The following TMEM117 variants were observed in gnomAD, a reference collection of about 807,000 sequenced individuals.
TMEM117 encodes the protein transmembrane protein 117.
A neutral mutation model predicts 52.4 loss-of-function variants in TMEM117; 27 were observed. The observed-to-expected ratio is 0.51, with a 90% CI of 0.38 to 0.71. The LOEUF (loss-of-function observed/expected upper bound fraction) is 0.71. Among genes scored for constraint, TMEM117 ranks in the 30% least tolerant of loss-of-function variants. The pLI is 0.00. For synonymous variants in TMEM117, 215 were observed against 206.3 expected (o/e 1.04, Z -0.36); for missense variants, 556 against 630.5 (o/e 0.88, Z 1.26).
intron 3 of TMEM117, among the ~76,000 whole-genome samples, chr12:44,098,426 T>G (rs182695632): frequency 1.9e-4 from 29 of 152,186 alleles, no homozygotes; most frequent in Admixed American, 2.0e-4. Flanking sequence ...GCCCTTTTTT[T>G]TCTGAGACCA....
chr12:44,138,636 G>A (rs78907079), intron 3 of TMEM117, among the ~76,000 whole-genome samples: 4,588 of 152,170 alleles, frequency 0.03, 106 homozygotes, highest in Admixed American at 0.044. Context: ...ACCATTGTTA[G>A]GTTCAGATGC....
chr12:43,927,380 A>C (rs896455408), intron 2 of TMEM117, among the ~76,000 whole-genome samples: 6 of 151,812 alleles, frequency 4.0e-5, no homozygotes, highest in African/African-American at 7.2e-5. Context: ...TTCAATATGA[A>C]GTCCATTAAA....
intron 3 of TMEM117, among the ~76,000 whole-genome samples, chr12:44,076,910 T>A (rs1307035489): frequency 6.6e-6 from 1 of 152,168 alleles, no homozygotes; most frequent in Non-Finnish European, 1.5e-5. Context: ...GATTTGACAG[T>A]TTGGGCCATT....
At chr12:44,019,273 G>A (rs10785493) in intron 3 of TMEM117, among the ~76,000 whole-genome samples, 151,175 of 151,930 alleles carry the variant, frequency 1, 75,213 homozygotes, top group East Asian at 1. Context: ...TCTCAGGCAA[G>A]TCCTGTAGAG....
Position 44,092,050 on chromosome 12 carries a change from TACTC to T in TMEM117, c.411-51473_411-51470del, listed in dbSNP as rs1292606911. 2.6e-5 allele frequency among the ~76,000 whole-genome samples: 4 copies of T among 152,340 alleles called. No homozygotes were observed. The East Asian group carries it at 7.7e-4, about 29-fold the overall frequency. On this transcript the variant is annotated intron_variant, in intron 3 of 7. Transcript: ENST00000266534. ...AGCCATCCCATGTGACACAAGAAGA[TACTC>T]AGCTCAGATGCCTCATCTTGGAATA...
At chr12:44,379,273 T>C (rs2138857046) in intron 7 of TMEM117, among the ~76,000 whole-genome samples, 1 of 152,156 alleles carries the variant, frequency 6.6e-6, no homozygotes, top group East Asian at 1.9e-4. Context: ...GGAGGATTTC[T>C]TGAGCCCAGG....
chr12:44,107,369 A>G (rs1457082602), intron 3 of TMEM117, among the ~76,000 whole-genome samples: 1 of 152,116 alleles, frequency 6.6e-6, no homozygotes. Flanking sequence ...GACCAGCATC[A>G]AAAGAGAGGA....
intron 5 of TMEM117, among the ~76,000 whole-genome samples, chr12:44,244,213 A>G (rs1306170305): frequency 1.3e-5 from 2 of 151,966 alleles, no homozygotes; most frequent in African/African-American, 4.8e-5. Flanking sequence ...GTTTTTCAAA[A>G]TGGCTGCACT....
chr12:44,007,954 A>G (rs1946226912), intron 3 of TMEM117, among the ~76,000 whole-genome samples: 1 of 152,142 alleles, frequency 6.6e-6, no homozygotes, highest in Non-Finnish European at 1.5e-5. Flanking sequence ...AGTCTCGGTT[A>G]TGTCTCTATC....
At chr12:44,095,830 C>T (rs1947750038) in intron 3 of TMEM117, among the ~76,000 whole-genome samples, 1 of 152,092 alleles carries the variant, frequency 6.6e-6, no homozygotes, top group Non-Finnish European at 1.5e-5. Context: ...CCTCCCTCAC[C>T]ACTCCTATTC....
intron 3 of TMEM117, among the ~76,000 whole-genome samples, chr12:44,017,413 C>G (rs759145443): frequency 4.1e-5 from 6 of 146,866 alleles, no homozygotes; most frequent in Non-Finnish European, 8.9e-5. Context: ...CCCACCAAGT[C>G]TCACAGTTGT....
intron 5 of TMEM117, among the ~76,000 whole-genome samples, chr12:44,221,976 G>A (rs1039075531): frequency 6.6e-6 from 1 of 151,994 alleles, no homozygotes; most frequent in Non-Finnish European, 1.5e-5. Flanking sequence ...TGGGATTACA[G>A]GTGTGAGCCA....
Position 44,322,040 on chromosome 12 carries a change from CA to C in TMEM117, c.768+22302del, listed in dbSNP as rs554982956. 3.6e-4 allele frequency among the ~76,000 whole-genome samples: 55 copies of C among 152,180 alleles called. No individual in the cohort carries two copies. The South Asian group carries it at 7.1e-3, about 20-fold the overall frequency. On this transcript the variant is annotated intron_variant, in intron 6 of 7. Coordinates refer to ENST00000266534, the MANE Select transcript of TMEM117 (RefSeq NM_032256.3). ...TTTCTAAACTGGAAAATTCTCTAGC[CA>C]TAATGACCTGGGTAGGGATGGGAGA...
chr12:44,338,600 A>AGATTCC (rs1477462373), intron 6 of TMEM117, among the ~76,000 whole-genome samples: 2 of 152,066 alleles, frequency 1.3e-5, no homozygotes, highest in Non-Finnish European at 2.9e-5. Context: ...GAATCCAAGG[A>AGATTCC]TTAAAAAAAA....
chr12:44,150,617 T>A (rs186701857), intron 4 of TMEM117, among the ~76,000 whole-genome samples: 1 of 152,228 alleles, frequency 6.6e-6, no homozygotes, highest in East Asian at 1.9e-4. Context: ...CATTAGGAAG[T>A]TTTGAGGGAA....
At chr12:44,107,992 G>A (rs1309371102) in intron 3 of TMEM117, among the ~76,000 whole-genome samples, 4 of 152,004 alleles carry the variant, frequency 2.6e-5, no homozygotes, top group African/African-American at 4.8e-5. Flanking sequence ...TTGTATGTTT[G>A]TTTATTTTCA....
intron 7 of TMEM117, among the ~76,000 whole-genome samples, chr12:44,383,791 G>T (rs183412617): frequency 2.3e-4 from 35 of 152,048 alleles, no homozygotes; most frequent in Admixed American, 2.3e-3. Context: ...TTCTATCTGG[G>T]TCATTTCAGG....
At chr12:44,018,887 T>G (rs996611169) in intron 3 of TMEM117, among the ~76,000 whole-genome samples, 3 of 152,016 alleles carry the variant, frequency 2.0e-5, no homozygotes, top group Non-Finnish European at 4.4e-5. Flanking sequence ...ACCTAGCTAA[T>G]GTTTGTATTT....
In TMEM117 at chr12:44,211,278, T is replaced by A. The variant is rs1186606178; in HGVS notation, c.511-12T>A. The A allele has an allele frequency of 1.3e-6, 2 of 1,583,392 alleles. No individual in the cohort carries two copies. Among genetic ancestry groups the A allele is most frequent in the Non-Finnish European group, 1.7e-6 (2 of 1,155,360 alleles). Reference sequence around the variant, plus strand: ...TCTGAAAGTGCTGAATAAGTTCCTTTCATTGCTTCAGGTCACTGATATGAT... The same window carrying A: ...TCTGAAAGTGCTGAATAAGTTCCTTACATTGCTTCAGGTCACTGATATGAT... On this transcript the variant is annotated splice_polypyrimidine_tract_variant and intron_variant, in intron 4 of 7. Transcript: ENST00000266534.
Sources: allele counts gnomAD v4.1 joint callset (sites outside exome capture counted in the v4.1 genomes callset), GRCh38; gene constraint gnomAD v4.1.1; transcripts MANE v1.5; gene names NCBI Gene and HGNC (gene_info 2026-07-23, HGNC 2026-07-21).